FUOM: variants seen among roughly 807,000 people sequenced by gnomAD.
FUOM encodes the protein protein fucU homolog.
FUOM carries 19 observed loss-of-function variants against 18.3 expected under a neutral mutation model. The observed-to-expected ratio is 1.04, with a 90% CI of 0.73 to 1.53. The LOEUF is 1.53. Ranked by LOEUF, FUOM falls within the 40% of genes most tolerant of loss-of-function variation. The pLI is 0.00. For synonymous variants in FUOM, 102 were observed against 87.9 expected, an observed-to-expected ratio of 1.16 and a Z score of -0.90; for missense variants, 210 against 200.9, an observed-to-expected ratio of 1.04 and a Z score of -0.27.
intron 1 of FUOM, chr10:133,357,599 C>G: frequency 2.1e-6 from 1 of 483,930 alleles, no homozygotes; most frequent in Admixed American, 4.1e-5. Context: ...ACCAGGCCCC[C>G]GGCCACCCAA....
At position 133,357,580 on chromosome 10, in the gene FUOM, G is replaced by A; in HGVS notation, c.86-325C>T. The A allele has an allele frequency of 6.1e-6, 3 of 489,224 alleles. No individual in the cohort carries two copies. The South Asian group carries it at 7.8e-5, about 13-fold the overall frequency. 30.3% of individuals were successfully genotyped at this position (489,224 alleles called of 1,614,324 possible). A position where few individuals can be genotyped will look rare whatever the true frequency, so the allele number is the denominator to read the frequency against. On this transcript the variant is annotated intron_variant, in intron 1 of 5. Coordinates refer to ENST00000278025, the MANE Select transcript of FUOM (RefSeq NM_001098483.3). The stretch of plus-strand genomic sequence containing the variant: ...GGCCAGAGGACGCGCGGCTGCCCGC[G>A]ATGCCCGGACCAGGCCCCCGGCCAC...
At position 133,356,621 on chromosome 10, in the gene FUOM, A is replaced by G. The variant is rs538943397; in HGVS notation, c.324+19T>C. The G allele has an allele frequency of 1.6e-5, 24 of 1,521,434 alleles. No homozygotes were observed. The South Asian group carries it at 2.5e-4, about 16-fold the overall frequency. The allele number at this position is 1,521,434 out of a possible 1,614,324, so 94.2% of individuals were successfully genotyped here. A position where few individuals can be genotyped will look rare whatever the true frequency, so the allele number is the denominator to read the frequency against. On this transcript the variant is annotated intron_variant, in intron 4 of 5. Coordinates refer to ENST00000278025, the MANE Select transcript of FUOM (RefSeq NM_001098483.3). ...GAGGGTCCCTGGCCTTTTCCCCACA[A>G]CTGGGGCTGCAGGCTTACCACACAG...
At chr10:133,354,958 C>A (rs577459753), downstream of FUOM, among the ~76,000 whole-genome samples, 2 of 152,266 alleles carry the variant, frequency 1.3e-5, no homozygotes, top group East Asian at 3.9e-4. Flanking sequence ...GTCCCCACCC[C>A]TCTCAAGGCC....
At chr10:133,356,388 C>G (rs888373411) in intron 4 of FUOM, among the ~76,000 whole-genome samples, 1 of 152,226 alleles carries the variant, frequency 6.6e-6, no homozygotes, top group South Asian at 2.1e-4. Context: ...GACAACCCAC[C>G]TGGCAGGTCA....
chr10:133,357,739 G>GC (rs1848856595), intron 1 of FUOM, 184 bp downstream of exon 1: 1 of 545,120 alleles, frequency 1.8e-6, no homozygotes, highest in Non-Finnish European at 3.2e-6. Flanking sequence ...TCCGCCCAGA[G>GC]CCCCACGAGG....
chr10:133,352,889 C>T (rs751637148), downstream of FUOM, among the ~76,000 whole-genome samples: 8 of 152,196 alleles, frequency 5.3e-5, no homozygotes, highest in Non-Finnish European at 7.3e-5. Flanking sequence ...CCCAGAAGAC[C>T]GATGACCGGG....
chr10:133,357,296 T>C lies in FUOM; in HGVS notation c.86-41A>G, dbSNP rs377638595. 6.6e-4 allele frequency: 1,026 copies of C among 1,545,956 alleles called. 11 individuals are homozygous for C. In the South Asian group the frequency reaches 6.8e-3, roughly 10 times the overall value. On this transcript the variant is annotated intron_variant, in intron 1 of 5. Coordinates refer to ENST00000278025, the MANE Select transcript of FUOM (RefSeq NM_001098483.3). ...GACAGCCCGTGTCGGCACCTATCCC[T>C]GCCCTCGGGGTCGGCGCCGCCCGTC...
rs1350717740 is a variant in FUOM, at chr10:133,357,949, G to A, written c.59C>T (p.Ala20Val). Reference sequence around the variant, plus strand: ...GATCTCGTCCCCGTGCCCCATCCGCGCCAGCGCGTAGAGCAGCTCGGGGGA... The same window carrying A: ...GATCTCGTCCCCGTGCCCCATCCGCACCAGCGCGTAGAGCAGCTCGGGGGA... Reference protein sequence around the residue: ...LLSPELLYALARMGHGDEIVL... With the variant: ...LLSPELLYALVRMGHGDEIVL... Residue 20 changes from alanine (A) to valine (V), a missense_variant, in exon 1 of 6, where the codon GCG becomes GTG. Transcript: ENST00000278025. The A allele has an allele frequency of 1.3e-6, 2 of 1,525,786 alleles. No homozygotes were observed. The highest frequency in any genetic ancestry group is 1.2e-5 in the South Asian group (1 of 82,680). 94.5% of individuals were successfully genotyped at this position (1,525,786 alleles called of 1,614,324 possible). A position where few individuals can be genotyped will look rare whatever the true frequency, so the allele number is the denominator to read the frequency against.
At position 133,357,916 on chromosome 10, in the gene FUOM, C is replaced by G; in HGVS notation, c.85+7G>C. On this transcript the variant is annotated splice_region_variant and intron_variant, in intron 1 of 5. Coordinates refer to ENST00000278025, the MANE Select transcript of FUOM (RefSeq NM_001098483.3). ...TGCTCCCCGAGGCCCCGGCCCGCTG[C>G]GCTCACCGATCTCGTCCCCGTGCCC... 1 of 1,521,918 alleles carries G rather than the reference C, an allele frequency of 6.6e-7. No individual in the cohort carries two copies. Among genetic ancestry groups the G allele is most frequent in the Admixed American group, 2.0e-5 (1 of 49,812 alleles). The allele number at this position is 1,521,918 out of a possible 1,614,324, so 94.3% of individuals were successfully genotyped here.
Position 133,357,171 on chromosome 10 carries a change from C to T in FUOM, c.154+16G>A, listed in dbSNP as rs2133423624. On this transcript the variant is annotated intron_variant, in intron 2 of 5. Coordinates refer to ENST00000278025, the MANE Select transcript of FUOM (RefSeq NM_001098483.3). ...CACCCGCCCGCCCTGCCCTGGGGGA[C>T]CTGGGGCTCGCTCACCGTCTGCACG... 1.3e-6 allele frequency: 2 copies of T among 1,561,928 alleles called. No individual in the cohort carries two copies. The highest frequency in any genetic ancestry group is 1.7e-6 in the Non-Finnish European group (2 of 1,154,080).
chr10:133,355,379 G>A lies in FUOM; in HGVS notation c.456C>T (p.Pro152=), dbSNP rs1221045406. ...GTGGTCTTCACCAGGCCTACAGCAG[G>A]GGGTTGAGGGCAAGCACCCCCTTCC... is the stretch of plus-strand genomic sequence containing the variant. ...ILRKGVLALN[P]LL is the part of the protein sequence containing the mutation. The change falls in exon 6 of 6, where the codon CCC becomes CCT. Residue 152 remains proline (P), a synonymous_variant. Coordinates refer to ENST00000278025, the MANE Select transcript of FUOM (RefSeq NM_001098483.3). 3.1e-6 allele frequency: 5 copies of A among 1,606,166 alleles called. No homozygotes were observed. Among genetic ancestry groups the A allele is most frequent in the Non-Finnish European group, 4.2e-6 (5 of 1,178,388 alleles).
downstream of FUOM, among the ~76,000 whole-genome samples, chr10:133,354,779 G>A (rs116539036): frequency 0.051 from 7,653 of 149,770 alleles, 228 homozygotes; most frequent in African/African-American, 0.082. Flanking sequence ...TCAGCGGGAG[G>A]CCACCTATGC....
At chr10:133,357,686 T>A in intron 1 of FUOM, 1 of 519,454 alleles carries the variant, frequency 1.9e-6, no homozygotes. Flanking sequence ...GCGAGGGCTC[T>A]CGGGCCGTCT....
intron 1 of FUOM, chr10:133,357,635 A>C: frequency 2.1e-6 from 1 of 485,066 alleles, no homozygotes; most frequent in Non-Finnish European, 3.6e-6. Context: ...CCCAGGCCCC[A>C]GGAGAAGAAA....
At chr10:133,353,917 A>C (rs1274407204), downstream of FUOM, among the ~76,000 whole-genome samples, 2 of 149,298 alleles carry the variant, frequency 1.3e-5, no homozygotes, top group African/African-American at 4.9e-5. Context: ...TGGATCTCTG[A>C]GTTGCAGGAG....
intron 5 of FUOM, 140 bp from the exon 6 acceptor site, chr10:133,355,576 C>G (rs117818301): frequency 2.5e-6 from 4 of 1,593,286 alleles, no homozygotes; most frequent in East Asian, 2.2e-5. Context: ...CCTGCCCCCC[C>G]GAAATTCCTC....
chr10:133,358,015 C>A lies in FUOM; in HGVS notation c.-8G>T. 9.4e-6 allele frequency: 14 copies of A among 1,487,788 alleles called. No homozygotes were observed. Among genetic ancestry groups the A allele is most frequent in the Non-Finnish European group, 1.2e-5 (14 of 1,122,732 alleles). The allele number at this position is 1,487,788 out of a possible 1,614,324, so 92.2% of individuals were successfully genotyped here. On this transcript the variant is annotated 5_prime_UTR_variant, in exon 1 of 6. Transcript: ENST00000278025. ...ACCCTTCAGCGCCACCATGGCCCGG[C>A]AGACGGGGCGGGCGGGGCCTAGGGG...
intron 5 of FUOM, 34 bp downstream of exon 5, chr10:133,355,702 TGG>T: frequency 6.3e-7 from 1 of 1,590,268 alleles, no homozygotes; most frequent in Non-Finnish European, 8.6e-7. Context: ...GAGGCCCCAG[TGG>T]GGATGGGGCA....
At chr10:133,355,140 G>A (rs966802858), downstream of FUOM, 26 of 589,986 alleles carry the variant, frequency 4.4e-5, no homozygotes, top group East Asian at 5.6e-5. Flanking sequence ...ACAAGCCTGC[G>A]TGAGAACAGA....
Sources: allele counts gnomAD v4.1 joint callset (sites outside exome capture counted in the v4.1 genomes callset), GRCh38; gene constraint gnomAD v4.1.1; transcripts MANE v1.5; gene names NCBI Gene and HGNC (gene_info 2026-07-23, HGNC 2026-07-21).